NAV1: variants seen among roughly 807,000 people sequenced by gnomAD.
NAV1 encodes pore membrane and/or filament interacting like protein 3.
Under a neutral mutation model 175.2 loss-of-function variants are expected in NAV1, and 18 were observed. The observed-to-expected ratio is 0.10, with a 90% confidence interval of 0.07 to 0.15. The LOEUF (loss-of-function observed/expected upper bound fraction) is 0.15. NAV1 is among the 10% of genes least tolerant of loss of function. The pLI is 1.00. For missense variants in NAV1, 1,731 were observed against 2,436.6 expected (o/e 0.71, Z 6.10); for synonymous variants, 897 against 978.7 (o/e 0.92, Z 1.56).
chr1:201,594,915 G>A (rs1163390130), intron 2 of NAV1, among the ~76,000 whole-genome samples: 1 of 152,248 alleles, frequency 6.6e-6, no homozygotes, highest in Non-Finnish European at 1.5e-5. Flanking sequence ...GGGAATATTT[G>A]AACCTTCTCT....
At position 201,642,511 on chromosome 1, in the gene NAV1, C is replaced by CTCTCTCTTTCTTTCTT. The variant is rs1553247034; in HGVS notation, c.5-6120_5-6119insCTCTTTCTTTCTTTCT. 8.8e-5 allele frequency among the ~76,000 whole-genome samples: 4 copies of CTCTCTCTTTCTTTCTT among 45,552 alleles called. No individual in the cohort carries two copies. The South Asian group carries it at 2.0e-3, about 23-fold the overall frequency. 29.9% of individuals were successfully genotyped at this position (45,552 alleles called of 152,430 possible). On this transcript the variant is annotated intron_variant, in intron 2 of 29. Transcript: ENST00000367302. ...ACAGGTGTGAGCCACCGCACCCGGC[C>CTCTCTCTTTCTTTCTT]TCTTTCTTTCTTTTTTTCTTTCTTT... is the stretch of plus-strand genomic sequence containing the variant.
At chr1:201,618,405 G>A (rs1668065309), upstream of NAV1, among the ~76,000 whole-genome samples, 1 of 152,202 alleles carries the variant, frequency 6.6e-6, no homozygotes, top group African/African-American at 2.4e-5. Context: ...TCTCCAGCAT[G>A]TTGGGAGAAT....
At chr1:201,785,142 A>G (rs1244597621) in intron 7 of NAV1, among the ~76,000 whole-genome samples, 168 bp from the exon 12 acceptor site, 2 of 152,174 alleles carry the variant, frequency 1.3e-5, no homozygotes, top group African/African-American at 4.8e-5. Flanking sequence ...GTAAGCCAAG[A>G]AGCAGGCTAT....
intron 1 of NAV1, among the ~76,000 whole-genome samples, chr1:201,687,634 T>C (rs1004208544): frequency 6.6e-6 from 1 of 152,234 alleles, no homozygotes; most frequent in Non-Finnish European, 1.5e-5. Flanking sequence ...ATAAAGACTC[T>C]TAGTTAAGTT....
rs548663213 is a variant in NAV1, at chr1:201,789,844, A to G, written c.3219+52A>G. On this transcript the variant is annotated intron_variant, in intron 11 of 29. Transcript: ENST00000367296. ...CTCATCCCCTCCCCTCTACCATCCCATGCTCCCTAGAACCTCCTTGGAGTT... is the reference window on the plus strand; with the variant it reads ...CTCATCCCCTCCCCTCTACCATCCCGTGCTCCCTAGAACCTCCTTGGAGTT... The G allele has an allele frequency of 2.8e-4, 433 of 1,540,928 alleles. 2 individuals are homozygous for G. The highest frequency in any genetic ancestry group is 3.7e-4 in the Non-Finnish European group (414 of 1,113,652).
Position 201,787,750 on chromosome 1 carries a change from C to T in NAV1, c.2996-718C>T, listed in dbSNP as rs1489586231. 1 of 455,836 alleles carries T rather than the reference C, an allele frequency of 2.2e-6. No individual in the cohort carries two copies. The highest frequency in any genetic ancestry group is 2.4e-5 in the Admixed American group (1 of 42,550). 28.2% of individuals were successfully genotyped at this position (455,836 alleles called of 1,614,324 possible). ...GTATGAAACCCTGAAAGGCTGTAAT[C>T]CCAGCAATGGGCAAAGGGGTAAGGC... On this transcript the variant is annotated intron_variant, in intron 9 of 29. Transcript: ENST00000367296. This position sits in a 1 kb window ranked among gnomAD's most constrained non-coding sequence, Gnocchi z 4.3.
At chr1:201,692,988 G>T (rs558014596) in intron 1 of NAV1, among the ~76,000 whole-genome samples, 2 of 152,334 alleles carry the variant, frequency 1.3e-5, no homozygotes, top group East Asian at 3.9e-4. Context: ...GGGCAGGAGA[G>T]AGAAGGCTAT....
intron 29 of NAV1, 77 bp from the exon 34 acceptor site, chr1:201,819,760 T>G: frequency 7.7e-7 from 1 of 1,296,438 alleles, no homozygotes; most frequent in Admixed American, 1.8e-5. Context: ...GTTGGGATTT[T>G]GTTGTTGTTG....
chr1:201,783,364 G>A, intron 6 of NAV1, 42 bp from the exon 11 acceptor site: 1 of 1,582,024 alleles, frequency 6.3e-7, no homozygotes, highest in East Asian at 2.2e-5. Flanking sequence ...CTCTCACTCT[G>A]TAATTCTATT....
In NAV1 at chr1:201,810,433, C is replaced by T; in HGVS notation, c.4562-90C>T. On this transcript the variant is annotated intron_variant, in intron 23 of 29. Coordinates refer to ENST00000367296, the Ensembl canonical transcript of NAV1. This position sits in a 1 kb window ranked among gnomAD's most constrained non-coding sequence, Gnocchi z 6.0. The stretch of plus-strand genomic sequence containing the variant: ...AGTGGCTCTGAGTTTCTTCAGGGGG[C>T]TCCTAGATAAAGAAAGAAAAGCCCT... 1.6e-6 allele frequency: 2 copies of T among 1,242,136 alleles called. No homozygotes were observed. The highest frequency in any genetic ancestry group is 1.9e-4 in the Middle Eastern group (1 of 5,198). 76.9% of individuals were successfully genotyped at this position (1,242,136 alleles called of 1,614,324 possible).
chr1:201,597,580 C>T (rs1221128994), intron 2 of NAV1, among the ~76,000 whole-genome samples: 1 of 152,144 alleles, frequency 6.6e-6, no homozygotes, highest in Non-Finnish European at 1.5e-5. Flanking sequence ...CTCCACCGGG[C>T]TGAGGGCCAA....
chr1:201,649,581 T>G (rs1669107551), intron 1 of NAV1, among the ~76,000 whole-genome samples, 156 bp downstream of exon 5: 1 of 152,206 alleles, frequency 6.6e-6, no homozygotes, highest in African/African-American at 2.4e-5. Flanking sequence ...CCAGATGTGC[T>G]GAGCTGGCCC....
Position 201,566,756 on chromosome 1 carries a change from C to T in NAV1, c.-143-21783C>T, listed in dbSNP as rs537011676. 1.4e-4 allele frequency among the ~76,000 whole-genome samples: 21 copies of T among 152,002 alleles called. No homozygotes were observed. In the South Asian group the frequency reaches 4.2e-3, roughly 30 times the overall value. On this transcript the variant is annotated intron_variant, in intron 1 of 33. Transcript: ENST00000685211. ...AGAAAAACTTGAAGTAGCCATAATC[C>T]CCCACTCCAGAAGCAAACACTGTTA...
chr1:201,613,539 A>G (rs1667913489), intron 2 of NAV1, among the ~76,000 whole-genome samples: 1 of 152,168 alleles, frequency 6.6e-6, no homozygotes, highest in Admixed American at 6.5e-5. Flanking sequence ...ATGGACCAGG[A>G]ACTGTCTTCC....
rs1257324507 is a variant in NAV1, at chr1:201,813,915, G to A, written c.5340+657G>A. On this transcript the variant is annotated intron_variant, in intron 28 of 29. Transcript: ENST00000367296. The surrounding 1 kb of genome is among the most constrained non-coding windows in gnomAD (Gnocchi z 4.2). ...TACTAAAAATACAAAAAATTAGCCA[G>A]ACGTGGTGGTGGGCGCCTGCAGTCC... is the stretch of plus-strand genomic sequence containing the variant. Among the ~76,000 whole-genome samples, 1 of 152,120 alleles carries A rather than the reference G, an allele frequency of 6.6e-6. No homozygotes were observed.
chr1:201,807,839 T>C lies in NAV1; in HGVS notation c.3649-114T>C, dbSNP rs2102805473. ...TGAAGTGTTATAGAGGGTGGCTTAATTAAAGTAAATCCCCCGCCTCCAGCT... is the reference window on the plus strand; with the variant it reads ...TGAAGTGTTATAGAGGGTGGCTTAACTAAAGTAAATCCCCCGCCTCCAGCT... On this transcript the variant is annotated intron_variant, in intron 17 of 29. Coordinates refer to ENST00000367296, the Ensembl canonical transcript of NAV1. The surrounding 1 kb of genome is among the most constrained non-coding windows in gnomAD (Gnocchi z 5.4). The C allele has an allele frequency of 9.9e-7, 1 of 1,013,828 alleles. No homozygotes were observed. Among genetic ancestry groups the C allele is most frequent in the Non-Finnish European group, 1.5e-6 (1 of 666,132 alleles). 62.8% of individuals were successfully genotyped at this position (1,013,828 alleles called of 1,614,324 possible). A position where few individuals can be genotyped will look rare whatever the true frequency, so the allele number is the denominator to read the frequency against.
rs547081281 is a variant in NAV1 at position 201,764,578 on chromosome 1, C to T, written c.1227-15843C>T. Among the ~76,000 whole-genome samples, 292 of 152,294 alleles carry T rather than the reference C, an allele frequency of 1.9e-3. 1 individual carries two copies. The highest frequency in any genetic ancestry group is 3.5e-3 in the Non-Finnish European group (237 of 68,024). On this transcript the variant is annotated intron_variant, in intron 3 of 29. Transcript: ENST00000367296. ...CTCCAAATACAGTCACTGGGAGTTA[C>T]AGCTGTAACACATACACTTGGGGGG...
At chr1:201,757,780 C>T (rs185512249) in intron 3 of NAV1, among the ~76,000 whole-genome samples, 62 of 152,326 alleles carry the variant, frequency 4.1e-4, no homozygotes, top group African/African-American at 1.4e-3. Flanking sequence ...GTCTTTGACT[C>T]GGAAGACTAA....
At chr1:201,572,771 C>A (rs6660954) in intron 1 of NAV1, among the ~76,000 whole-genome samples, 1 of 152,118 alleles carries the variant, frequency 6.6e-6, no homozygotes, top group South Asian at 2.1e-4. Context: ...AAGGAGGCAG[C>A]TAAGTGGCCT....
Sources: gnomAD v4.1 joint callset for allele counts (sites outside exome capture counted in the v4.1 genomes callset) on GRCh38, gnomAD v4.1.1 for gene constraint, Gnocchi (gnomAD v3.1) non-coding constraint, MANE v1.5 for transcripts, NCBI Gene and HGNC (gene_info 2026-07-23, HGNC 2026-07-21) for gene names.